SP100: variants seen among roughly 807,000 people sequenced by gnomAD.
SP100 encodes the protein nuclear autoantigen Sp-100.
SP100 carries 84 observed loss-of-function variants against 130.0 expected under a neutral mutation model. That is an observed-to-expected ratio of 0.65 (90% CI 0.54 to 0.77). The LOEUF is 0.77. Among genes scored for constraint, SP100 ranks in the 30% least tolerant of loss-of-function variants. SP100 has a pLI of 0.00. For missense variants in SP100, 978 were observed against 1,052.2 expected (o/e 0.93, Z 0.97); for synonymous variants, 331 against 351.7 (o/e 0.94, Z 0.66).
intron 15 of SP100, 40 bp from the exon 16 acceptor site, chr2:230,473,284 G>A: frequency 7.2e-7 from 1 of 1,383,520 alleles, no homozygotes; most frequent in Admixed American, 1.7e-5. Context: ...CTTTGAAGGG[G>A]AGTGGGCACA....
At position 230,543,552 on chromosome 2, in the gene SP100, T is replaced by C. The variant is rs940503420; in HGVS notation, c.*606T>C. On this transcript the variant is annotated 3_prime_UTR_variant, in exon 29 of 29. Transcript: ENST00000340126. The stretch of plus-strand genomic sequence containing the variant: ...GAGCCAAATCAGGAAGGCAATCTCA[T>C]TCACAATTGCCACTAAAAGAATAAA... 1 of 152,108 alleles carries C rather than the reference T, an allele frequency of 6.6e-6. No individual in the cohort carries two copies. The highest frequency in any genetic ancestry group is 2.4e-5 in the African/African-American group (1 of 41,408). The allele number at this position is 152,108 out of a possible 1,614,324, so 9.4% of individuals were successfully genotyped here. A position where few individuals can be genotyped will look rare whatever the true frequency, so the allele number is the denominator to read the frequency against.
intron 4 of SP100, among the ~76,000 whole-genome samples, chr2:230,445,207 G>A (rs777997450): frequency 9.9e-5 from 15 of 152,230 alleles, no homozygotes; most frequent in African/African-American, 2.2e-4. Flanking sequence ...CGTTAAAGAC[G>A]TCCTCCAATT....
chr2:230,506,202 G>A (rs1690086956), intron 21 of SP100, 101 bp from the exon 22 acceptor site: 3 of 1,274,166 alleles, frequency 2.4e-6, no homozygotes, highest in East Asian at 4.7e-5. Flanking sequence ...TTACTGCTAC[G>A]ATCCTAAGCC....
At chr2:230,457,564 G>A (rs1253373169) in intron 8 of SP100, among the ~76,000 whole-genome samples, 1 of 152,158 alleles carries the variant, frequency 6.6e-6, no homozygotes, top group South Asian at 2.1e-4. Context: ...AAAGTCTGGT[G>A]CTCACTTCCT....
chr2:230,469,559 A>T, intron 14 of SP100: 1 of 452,322 alleles, frequency 2.2e-6, no homozygotes, highest in Non-Finnish European at 4.5e-6. Flanking sequence ...TTATTTGATT[A>T]TGCATGAATG....
intron 15 of SP100, 160 bp from the exon 16 acceptor site, chr2:230,473,164 G>A: frequency 1.9e-6 from 1 of 537,148 alleles, no homozygotes. Context: ...GAACAGAAGG[G>A]AAAAATACAG....
At chr2:230,506,507 C>T in intron 22 of SP100, 62 bp downstream of exon 22, 1 of 1,557,470 alleles carries the variant, frequency 6.4e-7, no homozygotes, top group African/African-American at 1.4e-5. Flanking sequence ...TAACACCAAG[C>T]TTTAGCAGAA....
At chr2:230,517,962 A>G (rs1366293487) in intron 24 of SP100, among the ~76,000 whole-genome samples, 2 of 152,134 alleles carry the variant, frequency 1.3e-5, no homozygotes, top group Admixed American at 1.3e-4. Context: ...TTTTAATTAT[A>G]GCCAACTTGA....
chr2:230,536,453 T>G (rs1471432063), intron 24 of SP100, among the ~76,000 whole-genome samples: 1 of 152,200 alleles, frequency 6.6e-6, no homozygotes, highest in African/African-American at 2.4e-5. Context: ...GAGAGTTACA[T>G]TTGTCTTATC....
chr2:230,484,492 TG>T (rs1245845793), intron 17 of SP100, among the ~76,000 whole-genome samples: 1 of 152,234 alleles, frequency 6.6e-6, no homozygotes, highest in Non-Finnish European at 1.5e-5. Context: ...CCCATCTTTA[TG>T]ATGCTAGACT....
chr2:230,535,096 TGAGGCAG>T (rs1691870686), intron 24 of SP100, among the ~76,000 whole-genome samples: 1 of 152,078 alleles, frequency 6.6e-6, no homozygotes, highest in South Asian at 2.1e-4. Context: ...CTCGGGAGTC[TGAGGCAG>T]GAGAATTCCT....
intron 24 of SP100, among the ~76,000 whole-genome samples, chr2:230,522,066 G>T (rs1396600474): frequency 6.6e-6 from 1 of 152,210 alleles, no homozygotes; most frequent in African/African-American, 2.4e-5. Context: ...TCCAGCAACT[G>T]AGTGTTCATT....
intron 8 of SP100, among the ~76,000 whole-genome samples, chr2:230,451,799 T>C (rs573856082): frequency 8.7e-6 from 1 of 115,526 alleles, no homozygotes; most frequent in East Asian, 2.0e-4. Context: ...TTTAGTCCAT[T>C]TTGAGTTAAT....
chr2:230,531,061 A>G (rs545442007), intron 24 of SP100, among the ~76,000 whole-genome samples: 3 of 152,340 alleles, frequency 2.0e-5, no homozygotes, highest in African/African-American at 7.2e-5. Flanking sequence ...CAGCGATCCC[A>G]TTACTGGGTA....
intron 2 of SP100, among the ~76,000 whole-genome samples, chr2:230,437,924 C>T (rs1391594368): frequency 6.6e-6 from 1 of 152,122 alleles, no homozygotes; most frequent in Non-Finnish European, 1.5e-5. Flanking sequence ...AGCCTGTATA[C>T]TTTGTCCATT....
chr2:230,452,006 A>G (rs1236019211), intron 8 of SP100, among the ~76,000 whole-genome samples: 21 of 152,182 alleles, frequency 1.4e-4, no homozygotes, highest in Admixed American at 1.4e-3. Flanking sequence ...TGTCTATTTT[A>G]TGCAAGCACC....
chr2:230,522,476 C>CT (rs750389091), intron 24 of SP100, among the ~76,000 whole-genome samples: 14,696 of 80,942 alleles, frequency 0.18, 2,464 homozygotes, highest in Non-Finnish European at 0.23. Context: ...CCCCAGTGTT[C>CT]TTTTTTTTTT....
Position 230,542,936 on chromosome 2 carries a change from T to C in SP100, c.2648T>C (p.Met883Thr). Residue 883 changes from methionine to threonine, a missense_variant, in exon 29 of 29, where the codon ATG becomes ACG. By Grantham distance (81) the Met-to-Thr change is moderately conservative (BLOSUM62 -1). Coordinates refer to ENST00000340126, the MANE Select transcript of SP100 (RefSeq NM_001080391.2). Reference sequence around the variant, plus strand: ...CAGGAAACAAGCAAGAACATTATAATGTTTATTTAGCCATTCTTATCTCCT... The same window carrying C: ...CAGGAAACAAGCAAGAACATTATAACGTTTATTTAGCCATTCTTATCTCCT... ...AIQETSKNII[M>T]FI 7 of 1,581,964 alleles carry C rather than the reference T, an allele frequency of 4.4e-6. No individual in the cohort carries two copies. The highest frequency in any genetic ancestry group is 5.2e-6 in the Non-Finnish European group (6 of 1,150,836).
chr2:230,437,548 GTTTT>G (rs966010881), intron 2 of SP100, among the ~76,000 whole-genome samples: 1 of 151,328 alleles, frequency 6.6e-6, no homozygotes, highest in Non-Finnish European at 1.5e-5. Flanking sequence ...TTTTTTCTTT[GTTTT>G]TTTTGTTTTG....
Sources: allele counts gnomAD v4.1 joint callset (sites outside exome capture counted in the v4.1 genomes callset), GRCh38; gene constraint gnomAD v4.1.1; transcripts MANE v1.5; gene names NCBI Gene and HGNC (gene_info 2026-07-23, HGNC 2026-07-21).